Variants in BRINP1 observed in about 807,000 individuals in gnomAD.
BRINP1 encodes BMP/retinoic acid-inducible neural-specific protein 1.
A neutral mutation model predicts 72.9 loss-of-function variants in BRINP1; 17 were observed. The observed-to-expected ratio is 0.23, with a 90% CI of 0.16 to 0.35. BRINP1 has a LOEUF of 0.35. Among genes scored for constraint, BRINP1 ranks in the 10% least tolerant of loss-of-function variants. The pLI is 1.00. For missense variants in BRINP1, 850 were observed against 1,001.6 expected, an observed-to-expected ratio of 0.85 and a Z score of 2.04; for synonymous variants, 418 against 378.5, an observed-to-expected ratio of 1.10 and a Z score of -1.21.
intron 2 of BRINP1, among the ~76,000 whole-genome samples, chr9:119,291,940 A>C (rs1830826226): frequency 6.6e-6 from 1 of 152,232 alleles, no homozygotes; most frequent in Non-Finnish European, 1.5e-5. Context: ...GGTTGTTTTT[A>C]ATAATACAAC....
chr9:119,354,402 G>A (rs1831538057), intron 1 of BRINP1, among the ~76,000 whole-genome samples: 1 of 152,158 alleles, frequency 6.6e-6, no homozygotes, highest in African/African-American at 2.4e-5. Context: ...ACATGGAGCT[G>A]CTCTGATGTG....
intron 1 of BRINP1, among the ~76,000 whole-genome samples, chr9:119,338,626 A>G (rs1008753217): frequency 2.1e-4 from 31 of 150,232 alleles, no homozygotes; most frequent in Non-Finnish European, 3.0e-5. Context: ...TAATCCCAGC[A>G]CTTTGGGAGG....
At chr9:119,353,043 T>C (rs1420347171) in intron 1 of BRINP1, among the ~76,000 whole-genome samples, 1 of 152,196 alleles carries the variant, frequency 6.6e-6, no homozygotes, top group East Asian at 1.9e-4. Context: ...CCTCAAGGCT[T>C]TTCAAACACC....
At chr9:119,198,099 T>C (rs970214089) in intron 7 of BRINP1, among the ~76,000 whole-genome samples, 4 of 152,194 alleles carry the variant, frequency 2.6e-5, no homozygotes, top group Admixed American at 2.0e-4. Context: ...GAATGTTAAA[T>C]AGAATATACC....
At chr9:119,342,897 C>T (rs1831418506) in intron 1 of BRINP1, among the ~76,000 whole-genome samples, 1 of 152,156 alleles carries the variant, frequency 6.6e-6, no homozygotes, top group Non-Finnish European at 1.5e-5. Context: ...CAGTTCAAAT[C>T]CTAGGTGTTC....
At position 119,192,447 on chromosome 9, in the gene BRINP1, A is replaced by T. The variant is rs1191018713; in HGVS notation, c.1145+16272T>A. ...AAAAATGAACAAAGGACCTGAACAG[A>T]CATTTCTCCACAGAAGACATAAAAA... On this transcript the variant is annotated intron_variant, in intron 7 of 7. Transcript: ENST00000265922. Among the ~76,000 whole-genome samples, 6 of 152,226 alleles carry T rather than the reference A, an allele frequency of 3.9e-5. No individual in the cohort carries two copies. The South Asian group carries it at 6.2e-4, about 16-fold the overall frequency.
At chr9:119,309,936 ATGAG>A (rs1411796855) in intron 2 of BRINP1, among the ~76,000 whole-genome samples, 3 of 152,162 alleles carry the variant, frequency 2.0e-5, no homozygotes, top group Non-Finnish European at 4.4e-5. Flanking sequence ...CAATAAATGT[ATGAG>A]TGAGTGAGTG....
intron 2 of BRINP1, among the ~76,000 whole-genome samples, chr9:119,278,475 ACTCTGCTC>A (rs1830677308): frequency 6.6e-6 from 1 of 152,132 alleles, no homozygotes; most frequent in Admixed American, 6.5e-5. Flanking sequence ...TCTATTTGTG[ACTCTGCTC>A]CAATGCGGGG....
chr9:119,284,475 G>T (rs979199970), intron 2 of BRINP1, among the ~76,000 whole-genome samples: 6 of 152,158 alleles, frequency 3.9e-5, no homozygotes, highest in African/African-American at 1.4e-4. Context: ...TCACTTTTGG[G>T]GGGGTGGTTG....
chr9:119,178,208 A>T (rs1321774905), intron 7 of BRINP1, among the ~76,000 whole-genome samples: 1 of 152,162 alleles, frequency 6.6e-6, no homozygotes, highest in Non-Finnish European at 1.5e-5. Context: ...GAAAGAGCCC[A>T]GGCGGGGGTT....
At position 119,334,355 on chromosome 9, in the gene BRINP1, C is replaced by T. The variant is rs114212607; in HGVS notation, c.-50-20950G>A. 1.0e-2 allele frequency among the ~76,000 whole-genome samples: 1,516 copies of T among 152,202 alleles called. 25 individuals are homozygous for T. The highest frequency in any genetic ancestry group is 0.035 in the African/African-American group (1,461 of 41,514). On this transcript the variant is annotated intron_variant, in intron 1 of 7. Coordinates refer to ENST00000265922, the MANE Select transcript of BRINP1 (RefSeq NM_014618.3). ...TCACAACACCGTGTTGTTGGCACAACGGGGAAACTGAATCATCACCCCACA... is the reference window on the plus strand; with the variant it reads ...TCACAACACCGTGTTGTTGGCACAATGGGGAAACTGAATCATCACCCCACA...
Position 119,205,329 on chromosome 9 carries a change from G to A in BRINP1, c.1145+3390C>T, listed in dbSNP as rs149827746. ...TTGAGTGACCTGCTAATGGTGGAAC[G>A]CCAGACATCCTCTCCAGGTGAGAAG... is the stretch of plus-strand genomic sequence containing the variant. On this transcript the variant is annotated intron_variant, in intron 7 of 7. Transcript: ENST00000265922. Among the ~76,000 whole-genome samples, 961 of 152,180 alleles carry A rather than the reference G, an allele frequency of 6.3e-3. 21 individuals carry two copies. Among genetic ancestry groups the A allele is most frequent in the Non-Finnish European group, 3.8e-3 (261 of 67,996 alleles).
At chr9:119,190,808 A>C (rs1329925947) in intron 7 of BRINP1, among the ~76,000 whole-genome samples, 1 of 152,028 alleles carries the variant, frequency 6.6e-6, no homozygotes, top group Non-Finnish European at 1.5e-5. Flanking sequence ...GTTATGAGGC[A>C]GCATCACCTT....
chr9:119,314,389 G>A (rs182052762), intron 1 of BRINP1, among the ~76,000 whole-genome samples: 53 of 152,208 alleles, frequency 3.5e-4, no homozygotes, highest in Non-Finnish European at 5.9e-4. Context: ...TGTTTGAGAC[G>A]GAGTCTCACT....
At chr9:119,327,852 T>C (rs1264366054) in intron 1 of BRINP1, among the ~76,000 whole-genome samples, 2 of 152,074 alleles carry the variant, frequency 1.3e-5, no homozygotes, top group Admixed American at 1.3e-4. Context: ...TCTGTTGCAT[T>C]TGAGGTGTCC....
chr9:119,179,694 C>T (rs1049765458), intron 7 of BRINP1, among the ~76,000 whole-genome samples: 1 of 152,208 alleles, frequency 6.6e-6, no homozygotes, highest in African/African-American at 2.4e-5. Flanking sequence ...CACAGAGAGA[C>T]TGCGACTCAC....
chr9:119,256,960 G>A (rs1455982568), intron 2 of BRINP1, among the ~76,000 whole-genome samples: 4 of 152,056 alleles, frequency 2.6e-5, no homozygotes, highest in Admixed American at 6.6e-5. Context: ...CTTATAGGCC[G>A]TAAAATACAC....
chr9:119,321,864 TA>T (rs1361224262), intron 1 of BRINP1, among the ~76,000 whole-genome samples: 1 of 152,210 alleles, frequency 6.6e-6, no homozygotes, highest in Non-Finnish European at 1.5e-5. Context: ...CTAGAAACTT[TA>T]AAATTACACA....
intron 2 of BRINP1, among the ~76,000 whole-genome samples, chr9:119,291,139 A>T (rs1253649575): frequency 6.6e-5 from 10 of 151,672 alleles, no homozygotes. Context: ...AAAAAAAAAA[A>T]ATTAGAAAAA....
Sources: gnomAD v4.1 joint callset for allele counts (sites outside exome capture counted in the v4.1 genomes callset) on GRCh38, gnomAD v4.1.1 for gene constraint, MANE v1.5 for transcripts, NCBI Gene and HGNC (gene_info 2026-07-23, HGNC 2026-07-21) for gene names.